CBR4: variants seen among roughly 807,000 people sequenced by gnomAD.
CBR4 encodes the protein 3-oxoacyl-[acyl-carrier-protein] reductase.
CBR4 carries 22 observed loss-of-function variants against 21.0 expected under a neutral mutation model. The observed-to-expected ratio is 1.05, with a 90% CI of 0.75 to 1.50. The LOEUF is 1.50. CBR4 is among the 40% of genes most tolerant of loss of function. CBR4 has a pLI of 0.00. For synonymous variants in CBR4, 100 were observed against 104.4 expected (o/e 0.96, Z 0.26); for missense variants, 302 against 286.3 (o/e 1.05, Z -0.40).
chr4:168,902,636 G>A (rs1468572748), intron 2 of CBR4, among the ~76,000 whole-genome samples: 21 of 152,088 alleles, frequency 1.4e-4, no homozygotes, highest in African/African-American at 2.9e-4. Flanking sequence ...GCAACGGAGC[G>A]AGACCCTGTC....
Position 168,949,595 on chromosome 4 carries a change from G to A in CBR4, n.169+52476C>T, listed in dbSNP as rs557756000. On this transcript the variant is annotated intron_variant and non_coding_transcript_variant, in intron 2 of 3. Coordinates refer to the CBR4 transcript ENST00000509108. ...TCATAAAGGGATGCTGGATTTTGTC[G>A]AATGCTTTTTCCACATCTGGGTAAT... Among the ~76,000 whole-genome samples the A allele has an allele frequency of 6.9e-4, 105 of 152,018 alleles. 1 individual carries two copies. Among genetic ancestry groups the A allele is most frequent in the African/African-American group, 2.2e-3 (92 of 41,510 alleles).
At chr4:168,971,859 C>T (rs1257397548) in intron 2 of CBR4, among the ~76,000 whole-genome samples, 2 of 152,168 alleles carry the variant, frequency 1.3e-5, no homozygotes, top group Non-Finnish European at 2.9e-5. Flanking sequence ...GCCATGAACT[C>T]TTTAGGCCAA....
downstream of CBR4, among the ~76,000 whole-genome samples, chr4:168,984,090 T>G (rs1764616467): frequency 6.6e-6 from 1 of 152,132 alleles, no homozygotes; most frequent in African/African-American, 2.4e-5. Flanking sequence ...ATAAAGTGCA[T>G]TCAAATAGGA....
chr4:168,959,281 CAA>C (rs944405675), intron 2 of CBR4, among the ~76,000 whole-genome samples: 5 of 152,212 alleles, frequency 3.3e-5, no homozygotes, highest in African/African-American at 1.2e-4. Context: ...CCCATTTGCT[CAA>C]AGTCTTTCCT....
intron 2 of CBR4, among the ~76,000 whole-genome samples, chr4:168,907,327 G>T (rs989630384): frequency 6.6e-6 from 1 of 152,164 alleles, no homozygotes; most frequent in Admixed American, 6.5e-5. Flanking sequence ...TAGGTACTCC[G>T]TTCCCACAGT....
chr4:168,916,000 A>G, intron 2 of CBR4: 1 of 1,614,038 alleles, frequency 6.2e-7, no homozygotes, highest in African/African-American at 1.3e-5. Context: ...CTGTTCAAGA[A>G]GGAAAACTCT....
At chr4:168,938,154 G>C (rs188522802) in intron 2 of CBR4, among the ~76,000 whole-genome samples, 1 of 152,178 alleles carries the variant, frequency 6.6e-6, no homozygotes, top group African/African-American at 2.4e-5. Context: ...TTAGGATTAA[G>C]AAACTCACTC....
chr4:168,917,835 A>G (rs753921252), intron 2 of CBR4, among the ~76,000 whole-genome samples: 3 of 152,198 alleles, frequency 2.0e-5, no homozygotes, highest in Non-Finnish European at 2.9e-5. Flanking sequence ...TTTTTGGTCT[A>G]TAATTAAGAA....
chr4:168,983,385 C>G (rs1447643936), downstream of CBR4, among the ~76,000 whole-genome samples: 1 of 151,080 alleles, frequency 6.6e-6, no homozygotes, highest in African/African-American at 2.4e-5. Flanking sequence ...ACACCCCGAA[C>G]AGACAAATAA....
chr4:169,006,896 A>C lies in CBR4; in HGVS notation c.264-5T>G. 6.2e-7 allele frequency: 1 copy of C among 1,608,572 alleles called. No individual in the cohort carries two copies. Among genetic ancestry groups the C allele is most frequent in the South Asian group, 1.1e-5 (1 of 90,952 alleles). ...GTTCTTACTAAAAGACCATCCCTAC[A>C]AAAAGAAACAGCATATAATAGCATA... On this transcript the variant is annotated splice_region_variant and splice_polypyrimidine_tract_variant and intron_variant, in intron 2 of 4. Coordinates refer to ENST00000306193, the MANE Select transcript of CBR4 (RefSeq NM_032783.5).
At chr4:168,929,240 A>G (rs1262397009) in intron 2 of CBR4, among the ~76,000 whole-genome samples, 1 of 152,184 alleles carries the variant, frequency 6.6e-6, no homozygotes, top group Non-Finnish European at 1.5e-5. Flanking sequence ...ATTAATATCT[A>G]CATAGTTACA....
chr4:168,898,225 T>G (rs1755675408), intron 2 of CBR4: 2 of 489,024 alleles, frequency 4.1e-6, no homozygotes, highest in Non-Finnish European at 3.7e-6. Flanking sequence ...TTGTTTCCCC[T>G]CGCCTCAGAG....
At chr4:168,968,118 TAA>T (rs1764097896) in intron 2 of CBR4, among the ~76,000 whole-genome samples, 2 of 152,278 alleles carry the variant, frequency 1.3e-5, no homozygotes, top group African/African-American at 4.8e-5. Flanking sequence ...TTAGAGAAAA[TAA>T]AAGTCATCAT....
chr4:168,916,317 T>A (rs1760079633), intron 2 of CBR4, among the ~76,000 whole-genome samples: 1 of 152,000 alleles, frequency 6.6e-6, no homozygotes, highest in Non-Finnish European at 1.5e-5. Flanking sequence ...GAGGCTGAGT[T>A]GGAAGGACTG....
At chr4:168,929,949 TTGGA>T (rs1487718685) in intron 2 of CBR4, among the ~76,000 whole-genome samples, 1 of 152,210 alleles carries the variant, frequency 6.6e-6, no homozygotes, top group African/African-American at 2.4e-5. Flanking sequence ...ATTTGTGAAC[TTGGA>T]TGGGAAAAAC....
intron 2 of CBR4, among the ~76,000 whole-genome samples, chr4:168,964,594 G>A (rs1278609519): frequency 6.6e-6 from 1 of 152,158 alleles, no homozygotes; most frequent in African/African-American, 2.4e-5. Flanking sequence ...TCAAGAGAAT[G>A]AGTATCAGCT....
intron 2 of CBR4, among the ~76,000 whole-genome samples, chr4:168,912,639 G>A (rs921331576): frequency 2.0e-5 from 3 of 152,210 alleles, no homozygotes; most frequent in African/African-American, 4.8e-5. Flanking sequence ...ATGAGGTACA[G>A]TGTGATATTT....
At chr4:168,991,523 G>C (rs1390110566) in intron 4 of CBR4, among the ~76,000 whole-genome samples, 1 of 152,126 alleles carries the variant, frequency 6.6e-6, no homozygotes. Flanking sequence ...AGTAAACATA[G>C]AAAATTCAAA....
rs531615207 is a variant in CBR4 at position 168,921,452 on chromosome 4, G to A, written n.170-26687C>T. On this transcript the variant is annotated intron_variant and non_coding_transcript_variant, in intron 2 of 3. Transcript: ENST00000509108. ...GCCACCTCTTGTACTACTGAAGGAG[G>A]AATTTATGCAGACTTCTTAGCTACC... 806 of 925,030 alleles carry A rather than the reference G, an allele frequency of 8.7e-4. 1 individual carries two copies. The highest frequency in any genetic ancestry group is 1.2e-3 in the Admixed American group (61 of 49,160). 57.3% of individuals were successfully genotyped at this position (925,030 alleles called of 1,614,324 possible).
Sources: allele counts gnomAD v4.1 joint callset (sites outside exome capture counted in the v4.1 genomes callset), GRCh38; gene constraint gnomAD v4.1.1; transcripts MANE v1.5; gene names NCBI Gene and HGNC (gene_info 2026-07-23, HGNC 2026-07-21).